The following PAIP2B variants were observed in gnomAD, a reference collection of about 807,000 sequenced individuals.
The protein encoded by PAIP2B is poly(A) binding protein interacting protein 2B.
Under a neutral mutation model 17.0 loss-of-function variants are expected in PAIP2B, and 13 were observed. The ratio of observed to expected loss-of-function variants is 0.76; its 90% confidence interval spans 0.50 to 1.22. The LOEUF is 1.22. Among genes scored for constraint, PAIP2B ranks in the 50% most tolerant of loss-of-function variants. PAIP2B has a pLI of 0.00. For missense variants in PAIP2B, 117 were observed against 144.5 expected (o/e 0.81, Z 0.98); for synonymous variants, 43 against 48.7 (o/e 0.88, Z 0.48).
chr2:71,190,670 C>T (rs1329555937), intron 2 of PAIP2B, among the ~76,000 whole-genome samples: 2 of 152,126 alleles, frequency 1.3e-5, no homozygotes, highest in Non-Finnish European at 2.9e-5. Context: ...ATTTTAGAGC[C>T]TAAAATTCTT....
rs1425852541 is a variant in PAIP2B, at chr2:71,186,413, T to A, written c.*2066A>T. 6.6e-6 allele frequency: 1 copy of A among 152,260 alleles called. No homozygotes were observed. Among genetic ancestry groups the A allele is most frequent in the Non-Finnish European group, 1.5e-5 (1 of 68,054 alleles). The allele number at this position is 152,260 out of a possible 1,614,324, so 9.4% of individuals were successfully genotyped here. ...GAAGACTAGAAATGCCAGCCCTCAG[T>A]GTCCATGCTAAACTGGCAGGAAGTT... On this transcript the variant is annotated 3_prime_UTR_variant, in exon 4 of 4. Coordinates refer to ENST00000244221, the MANE Select transcript of PAIP2B (RefSeq NM_020459.1).
At chr2:71,208,632 A>C (rs1675201346) in intron 1 of PAIP2B, among the ~76,000 whole-genome samples, 1 of 152,210 alleles carries the variant, frequency 6.6e-6, no homozygotes, top group Non-Finnish European at 1.5e-5. Context: ...GAATCTGTGA[A>C]GGCTACCTTA....
intron 1 of PAIP2B, among the ~76,000 whole-genome samples, chr2:71,226,517 G>C (rs890412917): frequency 6.6e-6 from 1 of 152,200 alleles, no homozygotes; most frequent in Non-Finnish European, 1.5e-5. Context: ...GCTCCAGCCC[G>C]GGGAGAGGGG....
At chr2:71,221,503 T>C (rs959169027) in intron 1 of PAIP2B, among the ~76,000 whole-genome samples, 2 of 152,214 alleles carry the variant, frequency 1.3e-5, no homozygotes, top group Non-Finnish European at 2.9e-5. Context: ...GCTCACGGTC[T>C]AGTATGAAAA....
At chr2:71,195,707 C>T (rs917116786) in intron 2 of PAIP2B, among the ~76,000 whole-genome samples, 3 of 152,172 alleles carry the variant, frequency 2.0e-5, no homozygotes, top group African/African-American at 7.2e-5. Flanking sequence ...GGTGCAATCT[C>T]AGCTCCCTGC....
At chr2:71,211,602 GAA>G (rs11376681) in intron 1 of PAIP2B, among the ~76,000 whole-genome samples, 85 of 133,594 alleles carry the variant, frequency 6.4e-4, no homozygotes, top group African/African-American at 1.1e-3. Flanking sequence ...AATGCTCTTT[GAA>G]AAAAAAAAAA....
rs1434261679 is a variant in PAIP2B at position 71,183,384 on chromosome 2, A to C, written c.*5095T>G. 1.3e-5 allele frequency: 1 copy of C among 75,214 alleles called. No individual in the cohort carries two copies. The highest frequency in any genetic ancestry group is 1.7e-4 in the Admixed American group (1 of 5,888). 4.7% of individuals were successfully genotyped at this position (75,214 alleles called of 1,614,324 possible). A position where few individuals can be genotyped will look rare whatever the true frequency, so the allele number is the denominator to read the frequency against. On this transcript the variant is annotated 3_prime_UTR_variant, in exon 4 of 4. Transcript: ENST00000244221. ...GTAGCACAAAAGTTCCTTGTAAAAA[A>C]AGAAGTTGCAAAATTATAAAAATTT... is the stretch of plus-strand genomic sequence containing the variant.
At chr2:71,193,592 G>T (rs183061618) in intron 2 of PAIP2B, among the ~76,000 whole-genome samples, 1 of 152,100 alleles carries the variant, frequency 6.6e-6, no homozygotes, top group Non-Finnish European at 1.5e-5. Context: ...CAGTGGCTCC[G>T]CCTGTAATCC....
At chr2:71,208,949 AG>A (rs1243469323) in intron 1 of PAIP2B, among the ~76,000 whole-genome samples, 13 of 152,218 alleles carry the variant, frequency 8.5e-5, no homozygotes, top group Non-Finnish European at 1.8e-4. Flanking sequence ...TCTGGCCTCC[AG>A]AACTATGAGA....
At chr2:71,190,235 A>G (rs1674653149) in intron 2 of PAIP2B, among the ~76,000 whole-genome samples, 1 of 152,136 alleles carries the variant, frequency 6.6e-6, no homozygotes, top group Non-Finnish European at 1.5e-5. Flanking sequence ...AGCCTGAGCA[A>G]CATAGCATGA....
At chr2:71,188,630 G>A in intron 3 of PAIP2B, 95 bp from the exon 4 acceptor site, 1 of 1,050,348 alleles carries the variant, frequency 9.5e-7, no homozygotes, top group Non-Finnish European at 1.4e-6. Context: ...CTTAGCTTTA[G>A]GGAGAGAAAG....
intron 2 of PAIP2B, among the ~76,000 whole-genome samples, chr2:71,200,174 A>G (rs548606268): frequency 6.6e-6 from 1 of 152,358 alleles, no homozygotes; most frequent in South Asian, 2.1e-4. Flanking sequence ...CAGGGTTGCT[A>G]GCTAGAAACC....
intron 2 of PAIP2B, among the ~76,000 whole-genome samples, chr2:71,195,822 G>A (rs763288696): frequency 6.6e-6 from 1 of 152,024 alleles, no homozygotes; most frequent in Non-Finnish European, 1.5e-5. Context: ...ATTTTTAGTA[G>A]AGATGGGTTT....
At chr2:71,197,622 A>T (rs1444647226) in intron 2 of PAIP2B, among the ~76,000 whole-genome samples, 1 of 152,200 alleles carries the variant, frequency 6.6e-6, no homozygotes. Context: ...CACACTGCTG[A>T]TAAAGACATA....
In PAIP2B at chr2:71,186,214, TCTAA is replaced by T. The variant is rs1674535973; in HGVS notation, c.*2261_*2264del. The T allele has an allele frequency of 6.6e-6, 1 of 152,194 alleles. No homozygotes were observed. The highest frequency in any genetic ancestry group is 1.5e-5 in the Non-Finnish European group (1 of 68,032). The allele number at this position is 152,194 out of a possible 1,614,324, so 9.4% of individuals were successfully genotyped here. ...ATTTTCTGCTAAGAAGGTAGCAAAC[TCTAA>T]CTAGCCTGTGTTGTGAGTGACAATT... On this transcript the variant is annotated 3_prime_UTR_variant, in exon 4 of 4. Coordinates refer to ENST00000244221, the MANE Select transcript of PAIP2B (RefSeq NM_020459.1).
At chr2:71,203,162 T>C (rs182414748) in intron 1 of PAIP2B, among the ~76,000 whole-genome samples, 189 of 152,292 alleles carry the variant, frequency 1.2e-3, no homozygotes, top group Middle Eastern at 3.4e-3. Context: ...AATTCCCATA[T>C]GTTTGTGTAT....
rs890866309 is a variant in PAIP2B, at chr2:71,185,343, A to T, written c.*3136T>A. ...GAGGCTGAGATGGGAGAATCACTTG[A>T]GCACAACAATTCAAGAGTAGCTTGG... is the stretch of plus-strand genomic sequence containing the variant. On this transcript the variant is annotated 3_prime_UTR_variant, in exon 4 of 4. Coordinates refer to ENST00000244221, the MANE Select transcript of PAIP2B (RefSeq NM_020459.1). 2.0e-5 allele frequency: 3 copies of T among 152,116 alleles called. No individual in the cohort carries two copies. The highest frequency in any genetic ancestry group is 7.2e-5 in the African/African-American group (3 of 41,404). The allele number at this position is 152,116 out of a possible 1,614,324, so 9.4% of individuals were successfully genotyped here.
chr2:71,188,347 A>T lies in PAIP2B; in HGVS notation c.*132T>A, dbSNP rs1056677345. The T allele has an allele frequency of 1.4e-6, 1 of 694,998 alleles. No individual in the cohort carries two copies. Among genetic ancestry groups the T allele is most frequent in the East Asian group, 2.7e-5 (1 of 36,982 alleles). The allele number at this position is 694,998 out of a possible 1,614,324, so 43.1% of individuals were successfully genotyped here. A position where few individuals can be genotyped will look rare whatever the true frequency, so the allele number is the denominator to read the frequency against. On this transcript the variant is annotated 3_prime_UTR_variant, in exon 4 of 4. Transcript: ENST00000244221. The stretch of plus-strand genomic sequence containing the variant: ...CATATTAGTTACTCAGAGTCACAGT[A>T]TTGTGAGACCACCACTCCCCTTCCC...
At chr2:71,207,360 T>C (rs1675157399) in intron 1 of PAIP2B, among the ~76,000 whole-genome samples, 1 of 151,994 alleles carries the variant, frequency 6.6e-6, no homozygotes, top group South Asian at 2.1e-4. Context: ...AGAAGGTAGG[T>C]ACGTATATAG....
Sources: gnomAD v4.1 joint callset for allele counts (sites outside exome capture counted in the v4.1 genomes callset) on GRCh38, gnomAD v4.1.1 for gene constraint, MANE v1.5 for transcripts, NCBI Gene and HGNC (gene_info 2026-07-23, HGNC 2026-07-21) for gene names.